Variants in DLG2 observed in about 807,000 individuals in gnomAD.
DLG2 encodes the protein discs large MAGUK scaffold protein 2, also known as disks large homolog 2.
DLG2 carries 45 observed loss-of-function variants against 132.5 expected under a neutral mutation model. The observed-to-expected ratio is 0.34, with a 90% CI of 0.27 to 0.44. The LOEUF (loss-of-function observed/expected upper bound fraction) is 0.44, where lower values mean the gene tolerates loss of function less well. Ranked by LOEUF, DLG2 falls within the 20% of genes least tolerant of loss-of-function variation. The pLI is 1.00. For synonymous variants in DLG2, 424 were observed against 419.6 expected (o/e 1.01, Z -0.13); for missense variants, 1,045 against 1,196.9 (o/e 0.87, Z 1.87).
chr11:83,768,680 A>G (rs1248870529), intron 18 of DLG2, among the ~76,000 whole-genome samples: 3 of 152,220 alleles, frequency 2.0e-5, no homozygotes, highest in Admixed American at 6.5e-5. Flanking sequence ...TGGCAGCACA[A>G]CGTGGCTCAG....
chr11:85,012,308 C>T lies in DLG2; in HGVS notation c.357+99353G>A, dbSNP rs1457779575. Among the ~76,000 whole-genome samples, 8 of 65,320 alleles carry T rather than the reference C, an allele frequency of 1.2e-4. 3 individuals carry two copies. The highest frequency in any genetic ancestry group is 4.8e-4 in the African/African-American group (4 of 8,334). The allele number at this position is 65,320 out of a possible 152,430, so 42.9% of individuals were successfully genotyped here. A position where few individuals can be genotyped will look rare whatever the true frequency, so the allele number is the denominator to read the frequency against. ...TTGGGAAGCTAAGGCGGGTGGATCA[C>T]GAGGTCAGGAGATCGAGACCATCCT... is the stretch of plus-strand genomic sequence containing the variant. On this transcript the variant is annotated intron_variant, in intron 6 of 27. Transcript: ENST00000376104.
At chr11:84,767,951 G>C (rs2068670739) in intron 6 of DLG2, among the ~76,000 whole-genome samples, 1 of 152,070 alleles carries the variant, frequency 6.6e-6, no homozygotes, top group Non-Finnish European at 1.5e-5. Flanking sequence ...GTGCAAGGCA[G>C]ACCTGTGCCT....
intron 4 of DLG2, among the ~76,000 whole-genome samples, chr11:85,260,261 C>T (rs893196607): frequency 9.2e-5 from 14 of 152,186 alleles, no homozygotes; most frequent in Non-Finnish European, 5.9e-5. Flanking sequence ...CTCTCTATTA[C>T]CTTACATTCT....
intron 9 of DLG2, among the ~76,000 whole-genome samples, chr11:84,155,347 GT>G (rs747600274): frequency 1.3e-5 from 2 of 151,946 alleles, no homozygotes; most frequent in Non-Finnish European, 2.9e-5. Flanking sequence ...TGGTTTCTAT[GT>G]CACCTCTCTA....
chr11:84,995,440 C>A (rs1164356844), intron 6 of DLG2, among the ~76,000 whole-genome samples: 1 of 152,126 alleles, frequency 6.6e-6, no homozygotes, highest in Non-Finnish European at 1.5e-5. Context: ...CTCTTATAAT[C>A]TTGTTAAGCA....
intron 6 of DLG2, among the ~76,000 whole-genome samples, chr11:84,779,824 C>G (rs1267104394): frequency 6.6e-6 from 1 of 151,298 alleles, no homozygotes; most frequent in Non-Finnish European, 1.5e-5. Flanking sequence ...CGTATTGAGC[C>G]AGGAAGAAAT....
At chr11:84,189,655 G>T (rs1293914799) in intron 8 of DLG2, among the ~76,000 whole-genome samples, 1 of 152,184 alleles carries the variant, frequency 6.6e-6, no homozygotes. Flanking sequence ...AAAGGAAAGA[G>T]ATCATGTTCT....
chr11:85,117,871 G>C (rs1039498290), intron 5 of DLG2, among the ~76,000 whole-genome samples: 1 of 151,942 alleles, frequency 6.6e-6, no homozygotes, highest in Non-Finnish European at 1.5e-5. Flanking sequence ...CCTGTAAATG[G>C]AAAGTTATGA....
At chr11:85,450,485 A>G (rs1484837858) in intron 3 of DLG2, among the ~76,000 whole-genome samples, 2 of 151,986 alleles carry the variant, frequency 1.3e-5, no homozygotes, top group South Asian at 2.1e-4. Context: ...CTACAATTCT[A>G]TTTCCAACTC....
intron 3 of DLG2, among the ~76,000 whole-genome samples, chr11:85,397,052 G>C (rs1375784036): frequency 6.6e-6 from 1 of 152,158 alleles, no homozygotes; most frequent in Non-Finnish European, 1.5e-5. Context: ...CCCACAAAGG[G>C]AAGCCCATCG....
At chr11:84,911,372 G>A (rs2092042337) in intron 6 of DLG2, among the ~76,000 whole-genome samples, 1 of 151,532 alleles carries the variant, frequency 6.6e-6, no homozygotes, top group African/African-American at 2.4e-5. Context: ...GGAGTTTTAT[G>A]ACTTAATTAT....
chr11:84,216,396 C>T (rs185516269), intron 8 of DLG2, among the ~76,000 whole-genome samples: 48 of 152,100 alleles, frequency 3.2e-4, no homozygotes, highest in African/African-American at 1.1e-3. Flanking sequence ...AAAGGAATAA[C>T]GCCAAGCAGG....
At chr11:83,893,677 A>C (rs10792697) in intron 15 of DLG2, among the ~76,000 whole-genome samples, 62,817 of 151,922 alleles carry the variant, frequency 0.41, 13,426 homozygotes, top group South Asian at 0.59. Flanking sequence ...TTGTTGACTT[A>C]TTTTCCAATT....
intron 6 of DLG2, among the ~76,000 whole-genome samples, chr11:84,717,695 A>G (rs2061378594): frequency 6.6e-6 from 1 of 152,212 alleles, no homozygotes; most frequent in South Asian, 2.1e-4. Flanking sequence ...AGAATTTATC[A>G]AGAGAACTAT....
At chr11:84,384,266 G>A (rs576683391) in intron 7 of DLG2, among the ~76,000 whole-genome samples, 35 of 151,526 alleles carry the variant, frequency 2.3e-4, no homozygotes, top group South Asian at 1.5e-3. Context: ...ACCAAACAGG[G>A]CTATTATTTA....
chr11:85,381,880 A>G (rs971981697), intron 3 of DLG2, among the ~76,000 whole-genome samples: 1 of 152,164 alleles, frequency 6.6e-6, no homozygotes, highest in South Asian at 2.1e-4. Context: ...TTCATGAATT[A>G]GAACGCAATA....
intron 18 of DLG2, among the ~76,000 whole-genome samples, chr11:83,691,158 G>A (rs931253288): frequency 6.6e-6 from 1 of 152,106 alleles, no homozygotes; most frequent in Admixed American, 6.6e-5. Context: ...ACTTCTCCAT[G>A]CACTTAGGAA....
intron 9 of DLG2, among the ~76,000 whole-genome samples, chr11:84,112,484 T>A (rs1332852985): frequency 6.6e-6 from 1 of 152,034 alleles, no homozygotes; most frequent in African/African-American, 2.4e-5. Context: ...AAACAATATC[T>A]TTTTACTCTT....
At chr11:85,441,859 C>T (rs1025508366) in intron 3 of DLG2, among the ~76,000 whole-genome samples, 5 of 151,268 alleles carry the variant, frequency 3.3e-5, no homozygotes, top group Non-Finnish European at 5.9e-5. Flanking sequence ...ATGGCGAGTG[C>T]TATTTAAAAC....
Sources: allele counts gnomAD v4.1 joint callset (sites outside exome capture counted in the v4.1 genomes callset), GRCh38; gene constraint gnomAD v4.1.1; transcripts MANE v1.5; gene names NCBI Gene and HGNC (gene_info 2026-07-23, HGNC 2026-07-21).